The following TSPAN9 variants were observed in gnomAD, a reference collection of about 807,000 sequenced individuals.
The protein encoded by TSPAN9 is tetraspanin-9.
In TSPAN9, 16 loss-of-function variants were observed where a neutral mutation model predicts 31.0. That is an observed-to-expected ratio of 0.52 (90% CI 0.35 to 0.78). The LOEUF (loss-of-function observed/expected upper bound fraction) is 0.78. Ranked by LOEUF, TSPAN9 falls within the 30% of genes least tolerant of loss-of-function variation. The probability of loss-of-function intolerance (pLI) is 0.01; values close to 1 mark genes in which losing one functional copy is unlikely to be tolerated. For missense variants in TSPAN9, 272 were observed against 312.5 expected, an observed-to-expected ratio of 0.87 and a Z score of 0.98; for synonymous variants, 145 against 121.6, an observed-to-expected ratio of 1.19 and a Z score of -1.27.
At chr12:3,256,830 C>G (rs137968258) in intron 3 of TSPAN9, among the ~76,000 whole-genome samples, 1 of 152,280 alleles carries the variant, frequency 6.6e-6, no homozygotes, top group East Asian at 1.9e-4. Flanking sequence ...CTGAAATACA[C>G]GGCGACTCTC....
intron 3 of TSPAN9, among the ~76,000 whole-genome samples, chr12:3,219,105 C>T (rs1378316525): frequency 1.3e-5 from 2 of 152,214 alleles, no homozygotes; most frequent in African/African-American, 2.4e-5. Context: ...CACCCGTGGG[C>T]GGCCGGGGGA....
chr12:3,275,109 C>T (rs907838144), intron 3 of TSPAN9, among the ~76,000 whole-genome samples: 3 of 152,190 alleles, frequency 2.0e-5, no homozygotes, highest in Non-Finnish European at 4.4e-5. Flanking sequence ...AGTGTGAAGT[C>T]AGAGAACCAG....
chr12:3,274,693 GTT>G (rs1306994232), intron 3 of TSPAN9, among the ~76,000 whole-genome samples: 1 of 152,238 alleles, frequency 6.6e-6, no homozygotes. Context: ...TGACCTTTGT[GTT>G]TTCTTCTTGC....
At chr12:3,213,089 G>C (rs535272888) in intron 3 of TSPAN9, among the ~76,000 whole-genome samples, 41 of 152,260 alleles carry the variant, frequency 2.7e-4, no homozygotes, top group African/African-American at 9.4e-4. Context: ...TGGGTACAGC[G>C]GTGTGCTGGT....
At chr12:3,252,668 C>T (rs923201934) in intron 3 of TSPAN9, among the ~76,000 whole-genome samples, 4 of 152,258 alleles carry the variant, frequency 2.6e-5, no homozygotes, top group East Asian at 1.9e-4. Flanking sequence ...CAATGTTTCA[C>T]GGTGCGCAGC....
At chr12:3,141,800 C>T (rs1258199779) in intron 2 of TSPAN9, among the ~76,000 whole-genome samples, 4 of 152,100 alleles carry the variant, frequency 2.6e-5, no homozygotes, top group Non-Finnish European at 5.9e-5. Context: ...CAAGCCTGGC[C>T]CAGACCTGTT....
chr12:3,080,518 A>G (rs2098297349), intron 1 of TSPAN9, among the ~76,000 whole-genome samples: 1 of 151,886 alleles, frequency 6.6e-6, no homozygotes, highest in African/African-American at 2.4e-5. Flanking sequence ...TATTTTTTTT[A>G]GTAGAGACGG....
intron 5 of TSPAN9, 70 bp downstream of exon 5, chr12:3,279,136 G>C (rs1862850639): frequency 6.9e-7 from 1 of 1,438,882 alleles, no homozygotes; most frequent in Admixed American, 1.7e-5. Context: ...AGCAGGCCAG[G>C]GTCCCTTCCC....
At chr12:3,177,333 T>A (rs952721183) in intron 2 of TSPAN9, among the ~76,000 whole-genome samples, 3 of 151,276 alleles carry the variant, frequency 2.0e-5, no homozygotes, top group Non-Finnish European at 4.4e-5. Flanking sequence ...GAGACGGGGT[T>A]TCACTGTGTT....
chr12:3,241,172 G>A (rs2098396380), intron 3 of TSPAN9, among the ~76,000 whole-genome samples: 1 of 152,210 alleles, frequency 6.6e-6, no homozygotes, highest in East Asian at 1.9e-4. Context: ...AAGATTTTAT[G>A]TGTTAGGGTG....
Position 3,125,646 on chromosome 12 carries a change from C to T in TSPAN9, c.-18+41927C>T, listed in dbSNP as rs796720913. Among the ~76,000 whole-genome samples, 3 of 151,804 alleles carry T rather than the reference C, an allele frequency of 2.0e-5. No individual in the cohort carries two copies. The South Asian group carries it at 6.2e-4, about 32-fold the overall frequency. ...TAATTGATTTTTTTTCTCTGTGGTT[C>T]AGATGATGTTTGTCAGATAGAAGAA... On this transcript the variant is annotated intron_variant, in intron 2 of 8. Transcript: ENST00000011898.
At chr12:3,195,771 A>C (rs1373667047) in intron 2 of TSPAN9, among the ~76,000 whole-genome samples, 4 of 152,192 alleles carry the variant, frequency 2.6e-5, no homozygotes, top group Admixed American at 1.3e-4. Flanking sequence ...TATGCCATGC[A>C]AGGCTTCACA....
intron 2 of TSPAN9, among the ~76,000 whole-genome samples, chr12:3,174,874 A>G (rs112951387): frequency 0.18 from 27,140 of 151,830 alleles, 2,662 homozygotes; most frequent in African/African-American, 0.26. Context: ...GAGCCACCGC[A>G]CCCGGCCTCA....
intron 3 of TSPAN9, among the ~76,000 whole-genome samples, chr12:3,278,108 C>T (rs879272850): frequency 4.6e-5 from 7 of 152,228 alleles, no homozygotes; most frequent in Non-Finnish European, 1.0e-4. Flanking sequence ...GTGTCCAGTA[C>T]CTTCCACGTA....
chr12:3,099,949 C>G (rs903053903), intron 2 of TSPAN9, among the ~76,000 whole-genome samples: 1 of 150,378 alleles, frequency 6.6e-6, no homozygotes, highest in Non-Finnish European at 1.5e-5. Flanking sequence ...TCATGCCATT[C>G]TCCTGCCTCA....
At chr12:3,151,922 CA>C (rs140314897) in intron 2 of TSPAN9, among the ~76,000 whole-genome samples, 13,907 of 150,882 alleles carry the variant, frequency 0.092, 690 homozygotes, top group African/African-American at 0.11. Flanking sequence ...GACTCCACCT[CA>C]AAAAAAACAA....
chr12:3,209,831 C>T (rs573315721), intron 3 of TSPAN9, among the ~76,000 whole-genome samples: 143 of 151,952 alleles, frequency 9.4e-4, no homozygotes, highest in African/African-American at 2.6e-3. Flanking sequence ...CGGTGGTGGG[C>T]GCCTGTAGTC....
chr12:3,244,267 G>A (rs2098398135), intron 3 of TSPAN9, among the ~76,000 whole-genome samples: 2 of 152,314 alleles, frequency 1.3e-5, no homozygotes, highest in South Asian at 4.1e-4. Context: ...CAGTAGGTAA[G>A]CGGGTCTTGG....
intron 3 of TSPAN9, among the ~76,000 whole-genome samples, chr12:3,223,146 G>A (rs1180241863): frequency 1.3e-5 from 2 of 152,242 alleles, no homozygotes. Context: ...ATTAGAAGCC[G>A]CTATTGTGCT....
Sources: gnomAD v4.1 joint callset for allele counts (sites outside exome capture counted in the v4.1 genomes callset) on GRCh38, gnomAD v4.1.1 for gene constraint, MANE v1.5 for transcripts, NCBI Gene and HGNC (gene_info 2026-07-23, HGNC 2026-07-21) for gene names.